FER1L6: variants seen among roughly 807,000 people sequenced by gnomAD.
FER1L6 encodes fer-1-like protein 6.
In FER1L6, 177 loss-of-function variants were observed where a neutral mutation model predicts 219.2. The observed-to-expected ratio is 0.81, with a 90% CI of 0.71 to 0.91. FER1L6 has a LOEUF of 0.91. FER1L6 is among the 40% of genes least tolerant of loss of function. The pLI is 0.00. For missense variants in FER1L6, 2,153 were observed against 2,259.9 expected (o/e 0.95, Z 0.96); for synonymous variants, 768 against 824.3 (o/e 0.93, Z 1.17).
At chr8:123,903,405 A>G (rs1812893738) in intron 1 of FER1L6, among the ~76,000 whole-genome samples, 1 of 152,216 alleles carries the variant, frequency 6.6e-6, no homozygotes, top group Non-Finnish European at 1.5e-5. Context: ...CATCGTTCTC[A>G]AACAGTTGTT....
At chr8:123,860,086 C>T (rs1816720030) in intron 1 of FER1L6, among the ~76,000 whole-genome samples, 1 of 136,462 alleles carries the variant, frequency 7.3e-6, no homozygotes, top group Non-Finnish European at 1.5e-5. Context: ...CCCACTAACT[C>T]GTCATCTAGC....
At chr8:123,868,569 AT>A (rs1175278841) in intron 1 of FER1L6, among the ~76,000 whole-genome samples, 1 of 152,112 alleles carries the variant, frequency 6.6e-6, no homozygotes, top group Non-Finnish European at 1.5e-5. Context: ...CAGAAAAATG[AT>A]TTTCTGCTGC....
Position 124,097,253 on chromosome 8 carries a change from AT to A in FER1L6, c.4696-10del, listed in dbSNP as rs760445782. 1.6e-5 allele frequency: 26 copies of A among 1,598,240 alleles called. No individual in the cohort carries two copies. Among genetic ancestry groups the A allele is most frequent in the African/African-American group, 8.1e-5 (6 of 74,474 alleles). On this transcript the variant is annotated splice_polypyrimidine_tract_variant and intron_variant, in intron 35 of 40. Transcript: ENST00000522917. ...GCCCCCTCCCAAAGCTAAAGAAGAT[AT>A]TTTTTTTCTTAACAAGGGCCGCCTG...
At chr8:124,009,339 A>G (rs934259184) in intron 13 of FER1L6, among the ~76,000 whole-genome samples, 3 of 152,126 alleles carry the variant, frequency 2.0e-5, no homozygotes, top group Non-Finnish European at 4.4e-5. Flanking sequence ...TGACTGCTAC[A>G]TTTCATAAGA....
chr8:124,081,154 C>T (rs1442112411), intron 32 of FER1L6, among the ~76,000 whole-genome samples: 1 of 152,134 alleles, frequency 6.6e-6, no homozygotes, highest in Admixed American at 6.5e-5. Context: ...TCCTTCCTCC[C>T]CCTCCTCTTT....
chr8:124,019,539 A>AG (rs1310476759), intron 16 of FER1L6, among the ~76,000 whole-genome samples: 1 of 152,254 alleles, frequency 6.6e-6, no homozygotes, highest in African/African-American at 2.4e-5. Flanking sequence ...GTATAACATT[A>AG]GCAGAGGCTT....
intron 26 of FER1L6, among the ~76,000 whole-genome samples, chr8:124,066,168 A>T (rs1820821991): frequency 6.6e-6 from 1 of 152,208 alleles, no homozygotes; most frequent in African/African-American, 2.4e-5. Context: ...GATTGTGTCT[A>T]ATTCTCCACA....
intron 1 of FER1L6, among the ~76,000 whole-genome samples, chr8:123,937,104 C>T (rs1257183355): frequency 6.6e-6 from 1 of 152,130 alleles, no homozygotes; most frequent in Non-Finnish European, 1.5e-5. Flanking sequence ...CGGGGTTTCA[C>T]CATGTTGGCC....
chr8:124,067,560 G>A (rs576658730), intron 27 of FER1L6, among the ~76,000 whole-genome samples: 1 of 152,302 alleles, frequency 6.6e-6, no homozygotes, highest in East Asian at 1.9e-4. Flanking sequence ...TGGAAGTGCG[G>A]ATACCTCTTT....
intron 20 of FER1L6, among the ~76,000 whole-genome samples, chr8:124,044,559 A>C (rs1819640777): frequency 1.3e-5 from 2 of 152,222 alleles, no homozygotes; most frequent in African/African-American, 4.8e-5. Context: ...GTCTCCCTCT[A>C]GACTTTCCTC....
intron 31 of FER1L6, 88 bp downstream of exon 31, chr8:124,071,719 A>G: frequency 6.8e-7 from 1 of 1,471,842 alleles, no homozygotes; most frequent in Non-Finnish European, 9.2e-7. Context: ...AGGCTTAAAC[A>G]ACAGAAATTT....
chr8:124,106,353 A>C (rs1411513458), intron 39 of FER1L6, among the ~76,000 whole-genome samples: 1 of 150,514 alleles, frequency 6.6e-6, no homozygotes, highest in East Asian at 1.9e-4. Context: ...AAAAAAAAAA[A>C]AAAAAAAACA....
Position 124,003,208 on chromosome 8 carries a change from A to T in FER1L6, c.1561A>T (p.Ser521Cys). 1.9e-6 allele frequency: 3 copies of T among 1,614,052 alleles called. No homozygotes were observed. Among genetic ancestry groups the T allele is most frequent in the Non-Finnish European group, 2.5e-6 (3 of 1,179,978 alleles). ...NLIDGGSHHG[S>C]KKSAESAEED... ...GATTGATGGAGGATCCCATCATGGG[A>T]GTAAGAAGTCAGCTGAATCAGCTGA... Residue 521 changes from serine (S) to cysteine (C), a missense_variant, in exon 13 of 41, where the codon AGT becomes TGT. Physicochemically the swap from Ser to Cys is moderately radical, Grantham distance 112. Transcript: ENST00000522917.
At chr8:123,957,988 T>C (rs1032258493) in intron 2 of FER1L6, among the ~76,000 whole-genome samples, 3 of 152,182 alleles carry the variant, frequency 2.0e-5, no homozygotes, top group Non-Finnish European at 4.4e-5. Context: ...TTGGAAACTT[T>C]CTAAGTCTCT....
At chr8:123,931,129 T>G (rs748543133) in intron 1 of FER1L6, among the ~76,000 whole-genome samples, 1 of 152,244 alleles carries the variant, frequency 6.6e-6, no homozygotes, top group Non-Finnish European at 1.5e-5. Flanking sequence ...CTGGAGGCCC[T>G]GCCTGCATTT....
At chr8:123,882,463 G>A (rs1313751383) in intron 1 of FER1L6, among the ~76,000 whole-genome samples, 2 of 152,074 alleles carry the variant, frequency 1.3e-5, no homozygotes, top group Non-Finnish European at 1.5e-5. Flanking sequence ...TTGGGAACAG[G>A]GCCCACATCT....
At position 124,003,451 on chromosome 8, in the gene FER1L6, CTTTTTTTTTTT is replaced by C. The variant is rs71289633; in HGVS notation, c.1700+124_1700+134del. The C allele has an allele frequency of 3.8e-3, 422 of 111,754 alleles. 1 individual carries two copies. The highest frequency in any genetic ancestry group is 0.036 in the East Asian group (168 of 4,680). The allele number at this position is 111,754 out of a possible 1,614,324, so 6.9% of individuals were successfully genotyped here. The stretch of plus-strand genomic sequence containing the variant: ...GTTCTTCACTAAAATCAGAAATGTC[CTTTTTTTTTTT>C]TTTTTTTTTTTTTTTTTTTGAGACG... On this transcript the variant is annotated intron_variant, in intron 13 of 40. Transcript: ENST00000522917.
At chr8:124,103,664 T>C (rs1822640196) in intron 39 of FER1L6, among the ~76,000 whole-genome samples, 1 of 152,204 alleles carries the variant, frequency 6.6e-6, no homozygotes, top group Admixed American at 6.5e-5. Flanking sequence ...GATCCATCCT[T>C]TTAAAAGAAG....
chr8:124,061,073 G>A (rs559039952), intron 24 of FER1L6, among the ~76,000 whole-genome samples: 2 of 152,260 alleles, frequency 1.3e-5, no homozygotes, highest in East Asian at 3.9e-4. Context: ...GGTTTAACGA[G>A]GTTTCCAGGT....
Sources: allele counts gnomAD v4.1 joint callset (sites outside exome capture counted in the v4.1 genomes callset), GRCh38; gene constraint gnomAD v4.1.1; transcripts MANE v1.5; gene names NCBI Gene and HGNC (gene_info 2026-07-23, HGNC 2026-07-21).